MAP2K6: variants seen among roughly 807,000 people sequenced by gnomAD.
MAP2K6 encodes mitogen-activated protein kinase kinase 6.
MAP2K6 carries 16 observed loss-of-function variants against 53.7 expected under a neutral mutation model. That is an observed-to-expected ratio of 0.30 (90% CI 0.20 to 0.45). The LOEUF is 0.45. Ranked by LOEUF, MAP2K6 falls within the 20% of genes least tolerant of loss-of-function variation. The pLI, the probability that MAP2K6 is intolerant of heterozygous loss-of-function variation, is 1.00. For synonymous variants in MAP2K6, 132 were observed against 143.1 expected (o/e 0.92, Z 0.55); for missense variants, 204 against 411.9 (o/e 0.50, Z 4.37).
At chr17:69,458,895 A>G (rs1907516970) in intron 1 of MAP2K6, among the ~76,000 whole-genome samples, 1 of 152,150 alleles carries the variant, frequency 6.6e-6, no homozygotes, top group Non-Finnish European at 1.5e-5. Context: ...CTCAAAAGTC[A>G]CCAGGGACTT....
intron 1 of MAP2K6, among the ~76,000 whole-genome samples, chr17:69,503,425 C>T (rs1909274951): frequency 2.0e-5 from 3 of 152,140 alleles, no homozygotes; most frequent in Non-Finnish European, 4.4e-5. Context: ...TTAGTAACAT[C>T]CTTAACAGCT....
At chr17:69,489,292 A>G (rs149027695) in intron 1 of MAP2K6, among the ~76,000 whole-genome samples, 403 of 152,240 alleles carry the variant, frequency 2.6e-3, no homozygotes, top group African/African-American at 9.1e-3. Flanking sequence ...GTTACAGTGT[A>G]TATGAGACTA....
At chr17:69,440,743 T>G (rs1906789913) in intron 1 of MAP2K6, among the ~76,000 whole-genome samples, 1 of 148,210 alleles carries the variant, frequency 6.7e-6, no homozygotes, top group South Asian at 2.1e-4. Flanking sequence ...TTTGTTTTGT[T>G]TTTTTTTTTT....
chr17:69,507,303 T>G (rs1909552516), intron 2 of MAP2K6, among the ~76,000 whole-genome samples: 1 of 151,978 alleles, frequency 6.6e-6, no homozygotes, highest in Admixed American at 6.5e-5. Context: ...ATCATAGAAC[T>G]TAATTTTGCC....
chr17:69,452,854 C>G (rs888195019), intron 1 of MAP2K6, among the ~76,000 whole-genome samples: 1 of 152,154 alleles, frequency 6.6e-6, no homozygotes, highest in Non-Finnish European at 1.5e-5. Context: ...GGATTTAGGT[C>G]GTACCAAAGC....
Position 69,551,197 on chromosome 17 carries a change from G to C in MAP2K6, c.*9444G>C, listed in dbSNP as rs369724290. 4.6e-5 allele frequency: 7 copies of C among 152,300 alleles called. No individual in the cohort carries two copies. In the East Asian group the frequency reaches 1.2e-3, roughly 25 times the overall value. The allele number at this position is 152,300 out of a possible 1,614,324, so 9.4% of individuals were successfully genotyped here. A position where few individuals can be genotyped will look rare whatever the true frequency, so the allele number is the denominator to read the frequency against. On this transcript the variant is annotated 3_prime_UTR_variant, in exon 12 of 12. Transcript: ENST00000590474. The stretch of plus-strand genomic sequence containing the variant: ...TGCAGAGGCAGGAGTTACCGTTTTT[G>C]TTCATTGACCTATCAGAAAAAAGCA...
chr17:69,512,328 G>GTTT lies in MAP2K6; in HGVS notation c.84-4519_84-4517dup, dbSNP rs796414361. Among the ~76,000 whole-genome samples, 136 of 75,186 alleles carry GTTT rather than the reference G, an allele frequency of 1.8e-3. 17 individuals are homozygous for GTTT. Among genetic ancestry groups the GTTT allele is most frequent in the Non-Finnish European group, 2.1e-3 (78 of 37,758 alleles). The allele number at this position is 75,186 out of a possible 152,430, so 49.3% of individuals were successfully genotyped here. A position where few individuals can be genotyped will look rare whatever the true frequency, so the allele number is the denominator to read the frequency against. ...TTCTAATCTCATTGTCTTTCTAAGTGTTTTTTTTTTGTTTTTTTTTTTTTT... is the reference window on the plus strand; with the variant it reads ...TTCTAATCTCATTGTCTTTCTAAGTGTTTTTTTTTTTTTGTTTTTTTTTTTTTT... On this transcript the variant is annotated intron_variant, in intron 2 of 11. Transcript: ENST00000590474.
chr17:69,417,642 A>T (rs1382036796), intron 1 of MAP2K6, among the ~76,000 whole-genome samples: 2 of 152,220 alleles, frequency 1.3e-5, no homozygotes, highest in Non-Finnish European at 2.9e-5. Context: ...CTTTTGAGGA[A>T]ATCTGAAATG....
chr17:69,423,408 C>A (rs1008461740), intron 1 of MAP2K6, among the ~76,000 whole-genome samples: 4 of 152,192 alleles, frequency 2.6e-5, no homozygotes, highest in Non-Finnish European at 5.9e-5. Context: ...GTAGTTGCGC[C>A]AGAGCCCCTA....
Position 69,541,740 on chromosome 17 carries a change from T to G in MAP2K6, c.992T>G (p.Ile331Ser). ...GATGTGGCATCTTTTGTAAAACTGA[T>G]TCTTGGAGACTAAAAAGCAGTGGAC... The part of the protein sequence containing the change: ...GTDVASFVKL[I>S]LGD Residue 331 changes from isoleucine (I) to serine (S), a missense_variant, in exon 12 of 12, where the codon ATT becomes AGT. Transcript: ENST00000590474. 6.2e-7 allele frequency: 1 copy of G among 1,612,408 alleles called. No individual in the cohort carries two copies. Among genetic ancestry groups the G allele is most frequent in the Non-Finnish European group, 8.5e-7 (1 of 1,178,832 alleles).
intron 1 of MAP2K6, among the ~76,000 whole-genome samples, chr17:69,428,034 T>C (rs938410557): frequency 6.6e-6 from 1 of 152,204 alleles, no homozygotes; most frequent in Non-Finnish European, 1.5e-5. Flanking sequence ...CTGGATTGCA[T>C]TTAACAAGCA....
chr17:69,503,263 A>G (rs1260780087), intron 1 of MAP2K6, among the ~76,000 whole-genome samples: 1 of 152,236 alleles, frequency 6.6e-6, no homozygotes, highest in East Asian at 1.9e-4. Flanking sequence ...TCTCATCGAA[A>G]GTAACATTCC....
At chr17:69,515,047 C>T (rs1910069156) in intron 2 of MAP2K6, among the ~76,000 whole-genome samples, 1 of 152,100 alleles carries the variant, frequency 6.6e-6, no homozygotes, top group Non-Finnish European at 1.5e-5. Flanking sequence ...TGAGTCTTTA[C>T]CTGTCTGCTC....
chr17:69,495,527 C>A (rs932554287), intron 1 of MAP2K6, among the ~76,000 whole-genome samples: 2 of 152,166 alleles, frequency 1.3e-5, no homozygotes, highest in Non-Finnish European at 1.5e-5. Context: ...TGAGCTACTG[C>A]GCCTGGCTAT....
chr17:69,420,869 A>T (rs1906057104), intron 1 of MAP2K6, among the ~76,000 whole-genome samples: 1 of 152,194 alleles, frequency 6.6e-6, no homozygotes, highest in African/African-American at 2.4e-5. Context: ...AGAAATGGTG[A>T]CATGTGAATC....
intron 7 of MAP2K6, among the ~76,000 whole-genome samples, chr17:69,523,189 T>C (rs1910573127): frequency 6.6e-6 from 1 of 152,270 alleles, no homozygotes. Context: ...TCATTTTGAA[T>C]TGGACATTTG....
intron 1 of MAP2K6, among the ~76,000 whole-genome samples, chr17:69,447,715 G>A (rs1297290208): frequency 6.6e-6 from 1 of 152,224 alleles, no homozygotes; most frequent in African/African-American, 2.4e-5. Context: ...AGGAGATGAA[G>A]AAAGAAAGAA....
intron 1 of MAP2K6, among the ~76,000 whole-genome samples, chr17:69,489,466 A>G (rs929038109): frequency 1.3e-5 from 2 of 152,230 alleles, no homozygotes; most frequent in Non-Finnish European, 2.9e-5. Context: ...CAATTTCCAG[A>G]CTTATTACCT....
rs1911833919 is a variant in MAP2K6, at chr17:69,545,292, T to C, written c.*3539T>C. The C allele has an allele frequency of 6.6e-6, 1 of 152,172 alleles. No individual in the cohort carries two copies. The highest frequency in any genetic ancestry group is 1.5e-5 in the Non-Finnish European group (1 of 68,046). 9.4% of individuals were successfully genotyped at this position (152,172 alleles called of 1,614,324 possible). A position where few individuals can be genotyped will look rare whatever the true frequency, so the allele number is the denominator to read the frequency against. ...AAGGTATATGTTTGTTGATAAAATA[T>C]CAGGTCATCACGGATTTTGCAAGTG... On this transcript the variant is annotated 3_prime_UTR_variant, in exon 12 of 12. Coordinates refer to ENST00000590474, the MANE Select transcript of MAP2K6 (RefSeq NM_002758.4).
Sources: gnomAD v4.1 joint callset for allele counts (sites outside exome capture counted in the v4.1 genomes callset) on GRCh38, gnomAD v4.1.1 for gene constraint, MANE v1.5 for transcripts, NCBI Gene and HGNC (gene_info 2026-07-23, HGNC 2026-07-21) for gene names.